OTOGL: variants seen among roughly 807,000 people sequenced by gnomAD.
OTOGL encodes the protein otogelin-like protein.
A neutral mutation model predicts 318.5 loss-of-function variants in OTOGL; 285 were observed. That is an observed-to-expected ratio of 0.89 (90% CI 0.81 to 0.99). The LOEUF is 0.99. Ranked by LOEUF, OTOGL falls within the 50% of genes least tolerant of loss-of-function variation. The probability of loss-of-function intolerance (pLI) is 0.00; values close to 1 mark genes in which losing one functional copy is unlikely to be tolerated. For synonymous variants in OTOGL, 987 were observed against 936.5 expected, an observed-to-expected ratio of 1.05 and a Z score of -0.99; for missense variants, 2,899 against 2,845.6, an observed-to-expected ratio of 1.02 and a Z score of -0.43.
intron 1 of OTOGL, among the ~76,000 whole-genome samples, chr12:80,207,491 C>T (rs1258862007): frequency 6.6e-6 from 1 of 152,134 alleles, no homozygotes; most frequent in East Asian, 1.9e-4. Flanking sequence ...AGGCCTGAGC[C>T]ACCACGCCCA....
At chr12:80,270,234 C>T (rs566266360) in intron 23 of OTOGL, 80 bp downstream of exon 23, 2 of 1,160,160 alleles carry the variant, frequency 1.7e-6, no homozygotes, top group South Asian at 2.7e-5. Context: ...TCATCAATCA[C>T]CTCTTCTTCC....
chr12:80,293,244 A>C (rs952372434), intron 26 of OTOGL, among the ~76,000 whole-genome samples: 1 of 152,152 alleles, frequency 6.6e-6, no homozygotes, highest in African/African-American at 2.4e-5. Context: ...ATCTTTTACT[A>C]TCTCTTAATA....
intron 13 of OTOGL, 48 bp from the exon 14 acceptor site, chr12:80,253,418 T>C: frequency 6.8e-7 from 1 of 1,472,994 alleles, no homozygotes; most frequent in Non-Finnish European, 9.5e-7. Context: ...AGAAATACAA[T>C]CTTTATTATT....
Position 80,279,021 on chromosome 12 carries a change from T to C in OTOGL, c.2790-7T>C. ...TTAGAAAGGTAACTTTTGTTATTTT[T>C]TAATAGCGTTTGTCGACGAGGAATG... On this transcript the variant is annotated splice_polypyrimidine_tract_variant and splice_region_variant and intron_variant, in intron 25 of 58. Transcript: ENST00000547103. 6.3e-7 allele frequency: 1 copy of C among 1,593,212 alleles called. No homozygotes were observed. The highest frequency in any genetic ancestry group is 8.5e-7 in the Non-Finnish European group (1 of 1,175,552).
intron 1 of OTOGL, among the ~76,000 whole-genome samples, chr12:80,177,272 C>T (rs1289671836): frequency 1.3e-5 from 2 of 152,214 alleles, no homozygotes; most frequent in South Asian, 2.1e-4. Flanking sequence ...GTCCACGACC[C>T]GTTTCAAGTT....
intron 1 of OTOGL, among the ~76,000 whole-genome samples, chr12:80,107,046 A>T (rs1015484222): frequency 6.6e-6 from 1 of 152,162 alleles, no homozygotes; most frequent in Non-Finnish European, 1.5e-5. Context: ...AGAATGATTT[A>T]TCATCTGCCT....
intron 1 of OTOGL, among the ~76,000 whole-genome samples, chr12:80,204,839 T>C (rs1347471093): frequency 6.6e-6 from 1 of 152,150 alleles, no homozygotes; most frequent in African/African-American, 2.4e-5. Flanking sequence ...TGTGAACCCT[T>C]AAGCTGAGAA....
rs543306122 is a variant in OTOGL at position 80,336,417 on chromosome 12, G to A, written c.4605G>A (p.Arg1535=). The change falls in exon 40 of 59, where the codon CGG becomes CGA. Residue 1535 remains arginine (R), a synonymous_variant. Transcript: ENST00000547103. The part of the protein sequence containing the change: ...ICCPEWECPC[R]CSMLSELSII... Reference sequence around the variant, plus strand: ...CACTTTCCACCATTTTTATAGGTCGGTGTTCCATGTTGTCAGAACTGAGCA... The same window carrying A: ...CACTTTCCACCATTTTTATAGGTCGATGTTCCATGTTGTCAGAACTGAGCA... The A allele has an allele frequency of 2.0e-4, 315 of 1,595,376 alleles. No homozygotes were observed. The South Asian group carries it at 3.4e-3, about 17-fold the overall frequency.
intron 1 of OTOGL, among the ~76,000 whole-genome samples, chr12:80,149,703 T>TGCTA (rs1374785105): frequency 6.6e-6 from 1 of 152,170 alleles, no homozygotes; most frequent in Non-Finnish European, 1.5e-5. Flanking sequence ...CAGACTGCTG[T>TGCTA]GCTAGCAATC....
intron 19 of OTOGL, among the ~76,000 whole-genome samples, chr12:80,262,305 G>C (rs2137546818): frequency 6.6e-6 from 1 of 151,768 alleles, no homozygotes; most frequent in African/African-American, 2.4e-5. Flanking sequence ...AAACCTGACA[G>C]TGGCTTTTAT....
Position 80,352,367 on chromosome 12 carries a change from CT to C in OTOGL, c.5341del (p.Ser1781LeufsTer24), listed in dbSNP as rs772723774. The C allele has an allele frequency of 1.2e-6, 2 of 1,612,458 alleles. No homozygotes were observed. Among genetic ancestry groups the C allele is most frequent in the Non-Finnish European group, 1.7e-6 (2 of 1,178,924 alleles). ...TTTTTGGAACTATGAATGTGATGCA[CT>C]TTCTGCATATGTGGCTCTGTGCAAC... Reference protein sequence around the residue: ...TYFWNYECDALSAYVALCNKF... With the variant: ...TYFWNYECDAXSAYVALCNKF... On this transcript the variant is annotated frameshift_variant, in exon 45 of 59. Transcript: ENST00000547103. LOFTEE classifies it high-confidence loss of function.
At chr12:80,332,595 C>A (rs1888144562) in intron 37 of OTOGL, among the ~76,000 whole-genome samples, 1 of 152,162 alleles carries the variant, frequency 6.6e-6, no homozygotes, top group South Asian at 2.1e-4. Context: ...TCACCAAAAT[C>A]AAGGGGTCAG....
At chr12:80,153,361 T>G (rs1872910187) in intron 1 of OTOGL, among the ~76,000 whole-genome samples, 1 of 152,164 alleles carries the variant, frequency 6.6e-6, no homozygotes, top group Admixed American at 6.5e-5. Flanking sequence ...CCTCATGACC[T>G]AATCACCCCC....
chr12:80,290,780 T>A (rs1884991772), intron 26 of OTOGL, among the ~76,000 whole-genome samples: 1 of 152,224 alleles, frequency 6.6e-6, no homozygotes, highest in African/African-American at 2.4e-5. Flanking sequence ...TTCACATTAT[T>A]ATTTCATTCA....
At chr12:80,188,563 TA>T (rs1299704099) in intron 1 of OTOGL, among the ~76,000 whole-genome samples, 10 of 149,386 alleles carry the variant, frequency 6.7e-5, no homozygotes, top group African/African-American at 2.2e-4. Context: ...ATAATAATAA[TA>T]AATAAATATA....
intron 21 of OTOGL, 90 bp from the exon 22 acceptor site, chr12:80,267,163 A>G (rs1481542854): frequency 4.5e-6 from 3 of 667,030 alleles, no homozygotes; most frequent in Middle Eastern, 4.0e-4. Flanking sequence ...TGTACCTTAC[A>G]ATGACCAATG....
At chr12:80,343,628 C>T (rs928018371) in intron 44 of OTOGL, 1 of 149,110 alleles carries the variant, frequency 6.7e-6, no homozygotes, top group African/African-American at 2.5e-5. Context: ...AAGGCCGGTC[C>T]TCTGTCGTGG....
intron 1 of OTOGL, among the ~76,000 whole-genome samples, chr12:80,188,473 G>A (rs1229554262): frequency 6.6e-6 from 1 of 151,682 alleles, no homozygotes; most frequent in Non-Finnish European, 1.5e-5. Context: ...GGGAGACAGA[G>A]GTTGCAGTGA....
intron 7 of OTOGL, among the ~76,000 whole-genome samples, chr12:80,226,857 G>A (rs1045339873): frequency 5.3e-5 from 8 of 152,148 alleles, no homozygotes; most frequent in Non-Finnish European, 8.8e-5. Flanking sequence ...CCTGGAAAGT[G>A]TGCATGGGAA....
Sources: allele counts gnomAD v4.1 joint callset (sites outside exome capture counted in the v4.1 genomes callset), GRCh38; gene constraint gnomAD v4.1.1; transcripts MANE v1.5; gene names NCBI Gene and HGNC (gene_info 2026-07-23, HGNC 2026-07-21).